The following NRXN3 variants were observed in gnomAD, a reference collection of about 807,000 sequenced individuals.
NRXN3 encodes neurexin 3.
Under a neutral mutation model 137.6 loss-of-function variants are expected in NRXN3, and 32 were observed. The observed-to-expected ratio is 0.23, with a 90% confidence interval of 0.18 to 0.31. The LOEUF is 0.31. Ranked by LOEUF, NRXN3 falls within the 10% of genes least tolerant of loss-of-function variation. NRXN3 has a pLI of 1.00. For synonymous variants in NRXN3, 798 were observed against 784.5 expected (o/e 1.02, Z -0.29); for missense variants, 1,574 against 2,062.5 (o/e 0.76, Z 4.59).
chr14:79,815,281 G>A (rs2140925622), intron 20 of NRXN3, among the ~76,000 whole-genome samples: 1 of 152,294 alleles, frequency 6.6e-6, no homozygotes, highest in Non-Finnish European at 1.5e-5. Flanking sequence ...TTTAAGGGTT[G>A]AGCACGAGAA....
intron 19 of NRXN3, among the ~76,000 whole-genome samples, chr14:79,758,628 G>T (rs1008503407): frequency 1.3e-5 from 2 of 152,084 alleles, no homozygotes; most frequent in African/African-American, 4.8e-5. Flanking sequence ...ATTCCTAAAG[G>T]ACATAAAAGG....
intron 16 of NRXN3, among the ~76,000 whole-genome samples, chr14:79,491,423 T>C (rs1406038215): frequency 6.6e-6 from 1 of 152,172 alleles, no homozygotes; most frequent in Non-Finnish European, 1.5e-5. Context: ...AGCTTCTCCA[T>C]TCACATGTCT....
At chr14:78,207,642 C>T (rs1180014655) in intron 1 of NRXN3, among the ~76,000 whole-genome samples, 1 of 152,218 alleles carries the variant, frequency 6.6e-6, no homozygotes, top group Non-Finnish European at 1.5e-5. Context: ...GTAGCATCTC[C>T]ATCTATCCAG....
chr14:79,256,957 G>A (rs976036892), intron 15 of NRXN3, among the ~76,000 whole-genome samples: 20 of 152,078 alleles, frequency 1.3e-4, no homozygotes, highest in Admixed American at 8.5e-4. Flanking sequence ...CTGATTATAG[G>A]TTTATAAGGT....
intron 8 of NRXN3, among the ~76,000 whole-genome samples, chr14:78,725,388 T>G (rs540014374): frequency 1.3e-4 from 20 of 152,390 alleles, no homozygotes; most frequent in African/African-American, 4.8e-4. Flanking sequence ...AAGCATCCTT[T>G]CTGGGTCTGA....
intron 15 of NRXN3, among the ~76,000 whole-genome samples, chr14:79,336,990 C>T (rs2092307539): frequency 6.6e-6 from 1 of 152,152 alleles, no homozygotes. Context: ...ACTTTAAACT[C>T]CTTGGGAAAA....
At chr14:78,350,317 G>A (rs975340608) in intron 4 of NRXN3, among the ~76,000 whole-genome samples, 1 of 151,996 alleles carries the variant, frequency 6.6e-6, no homozygotes, top group South Asian at 2.1e-4. Context: ...GTTAGAAAAG[G>A]GTTCTCTGGG....
intron 15 of NRXN3, among the ~76,000 whole-genome samples, chr14:79,334,738 G>A (rs966024542): frequency 7.9e-5 from 12 of 152,272 alleles, no homozygotes; most frequent in African/African-American, 2.6e-4. Flanking sequence ...TGTGGTAGTG[G>A]CAAGCGTGCT....
intron 3 of NRXN3, chr14:78,282,605 T>TGTCTGCTGGGCCCCCAGGAGGCCTCC (rs2074556567): frequency 6.2e-6 from 1 of 160,156 alleles, no homozygotes; most frequent in African/African-American, 2.4e-5. Context: ...GAGGGGCTCC[T>TGTCTGCTGGGCCCCCAGGAGGCCTCC]GTCTGCTGGG....
At chr14:79,012,929 T>C (rs2099573504) in intron 15 of NRXN3, among the ~76,000 whole-genome samples, 1 of 152,198 alleles carries the variant, frequency 6.6e-6, no homozygotes, top group African/African-American at 2.4e-5. Flanking sequence ...CTGCTAAGCA[T>C]ATTTTCTTCA....
intron 8 of NRXN3, among the ~76,000 whole-genome samples, chr14:78,775,576 C>A (rs1321051721): frequency 1.3e-5 from 2 of 152,048 alleles, no homozygotes; most frequent in African/African-American, 4.8e-5. Context: ...GATTGGACAC[C>A]CCTGGAATTT....
At chr14:79,364,973 A>G (rs1017242686) in intron 15 of NRXN3, among the ~76,000 whole-genome samples, 3 of 152,130 alleles carry the variant, frequency 2.0e-5, no homozygotes, top group Admixed American at 2.0e-4. Flanking sequence ...TTTTTCATTG[A>G]CCTGCAATAT....
chr14:78,922,862 AAAATT>A (rs1362414327), intron 10 of NRXN3, among the ~76,000 whole-genome samples: 1 of 152,208 alleles, frequency 6.6e-6, no homozygotes, highest in African/African-American at 2.4e-5. Context: ...ACCCCAAAAT[AAAATT>A]AAAAAAATAA....
At chr14:78,605,899 G>T (rs2097247929) in intron 4 of NRXN3, among the ~76,000 whole-genome samples, 1 of 152,104 alleles carries the variant, frequency 6.6e-6, no homozygotes, top group Non-Finnish European at 1.5e-5. Flanking sequence ...TAATCACAAA[G>T]TTCAACATAT....
At chr14:79,542,893 A>G (rs183357219) in intron 16 of NRXN3, among the ~76,000 whole-genome samples, 1 of 31,550 alleles carries the variant, frequency 3.2e-5, no homozygotes, top group African/African-American at 4.8e-5. Flanking sequence ...TGTGGCAAGA[A>G]AAAAAAAAAG....
chr14:79,211,562 T>C (rs984539203), intron 15 of NRXN3, among the ~76,000 whole-genome samples: 3 of 152,174 alleles, frequency 2.0e-5, no homozygotes, highest in Non-Finnish European at 4.4e-5. Flanking sequence ...CCCTAAAAAC[T>C]GAGTTCTTTC....
chr14:79,468,501 A>T (rs1329633450), intron 16 of NRXN3, among the ~76,000 whole-genome samples: 3 of 152,232 alleles, frequency 2.0e-5, no homozygotes, highest in African/African-American at 7.2e-5. Context: ...TCAACTGGGG[A>T]TTACTACCAA....
chr14:79,558,501 G>A (rs144765087), intron 16 of NRXN3, among the ~76,000 whole-genome samples: 1,710 of 151,496 alleles, frequency 0.011, 22 homozygotes, highest in Middle Eastern at 0.038. Flanking sequence ...GCTCTTGGGT[G>A]ATTAGGTACA....
intron 4 of NRXN3, among the ~76,000 whole-genome samples, chr14:78,397,573 T>C (rs1213980830): frequency 6.6e-6 from 1 of 151,988 alleles, no homozygotes; most frequent in Non-Finnish European, 1.5e-5. Context: ...TTTATTTCAT[T>C]GCTGAGACTA....
Sources: allele counts gnomAD v4.1 joint callset (sites outside exome capture counted in the v4.1 genomes callset), GRCh38; gene constraint gnomAD v4.1.1; transcripts MANE v1.5; gene names NCBI Gene and HGNC (gene_info 2026-07-23, HGNC 2026-07-21).